Variants in LGR5 observed in about 807,000 individuals in gnomAD.
The protein encoded by LGR5 is leucine rich repeat containing G protein-coupled receptor 5, also known as leucine-rich repeat-containing G protein-coupled receptor 5.
A neutral mutation model predicts 76.7 loss-of-function variants in LGR5; 54 were observed. The observed-to-expected ratio is 0.70, with a 90% confidence interval of 0.57 to 0.88. The LOEUF (loss-of-function observed/expected upper bound fraction) is 0.88, where lower values mean the gene tolerates loss of function less well. Ranked by LOEUF, LGR5 falls within the 40% of genes least tolerant of loss-of-function variation. The probability of loss-of-function intolerance (pLI) is 0.00; values close to 1 mark genes in which losing one functional copy is unlikely to be tolerated. For missense variants in LGR5, 1,078 were observed against 1,073.3 expected, an observed-to-expected ratio of 1.00 and a Z score of -0.06; for synonymous variants, 406 against 421.9, an observed-to-expected ratio of 0.96 and a Z score of 0.46.
chr12:71,480,150 G>A (rs1462698786), intron 1 of LGR5, among the ~76,000 whole-genome samples: 1 of 152,000 alleles, frequency 6.6e-6, no homozygotes, highest in African/African-American at 2.4e-5. Flanking sequence ...GATCACTTGA[G>A]GTCAGGAGTT....
intron 11 of LGR5, among the ~76,000 whole-genome samples, chr12:71,570,472 TA>T (rs758002494): frequency 2.0e-5 from 3 of 152,074 alleles, no homozygotes; most frequent in Non-Finnish European, 4.4e-5. Flanking sequence ...CAGAGATGAG[TA>T]AACCAATTAT....
intron 1 of LGR5, among the ~76,000 whole-genome samples, chr12:71,451,989 G>A (rs996186961): frequency 2.0e-5 from 3 of 152,126 alleles, no homozygotes; most frequent in African/African-American, 7.2e-5. Context: ...CCCAAGCTCA[G>A]ATTTCAATAA....
chr12:71,548,714 G>C (rs1877322073), intron 4 of LGR5, among the ~76,000 whole-genome samples: 1 of 152,020 alleles, frequency 6.6e-6, no homozygotes, highest in Admixed American at 6.6e-5. Context: ...TGAAAGCTGA[G>C]GTCTGTTGAT....
At chr12:71,505,838 TAGA>T (rs1379931465) in intron 2 of LGR5, among the ~76,000 whole-genome samples, 2 of 152,284 alleles carry the variant, frequency 1.3e-5, no homozygotes, top group South Asian at 2.1e-4. Context: ...CTAGATTGTA[TAGA>T]AGGTTTTGTC....
intron 1 of LGR5, among the ~76,000 whole-genome samples, chr12:71,478,175 T>C (rs960956620): frequency 6.6e-6 from 1 of 152,240 alleles, no homozygotes; most frequent in Non-Finnish European, 1.5e-5. Context: ...CTTATTTTTA[T>C]ATTTTCTTAC....
intron 4 of LGR5, among the ~76,000 whole-genome samples, chr12:71,546,968 G>A (rs1015132336): frequency 5.3e-5 from 8 of 152,114 alleles, no homozygotes; most frequent in African/African-American, 1.7e-4. Context: ...GGCAACCACT[G>A]GGACCGTAAG....
chr12:71,480,360 CAAAAAAA>C (rs59288333), intron 1 of LGR5, among the ~76,000 whole-genome samples: 1 of 80,360 alleles, frequency 1.2e-5, no homozygotes, highest in Non-Finnish European at 2.7e-5. Context: ...GACTCTGTCT[CAAAAAAA>C]AAAAAAAAAA....
rs1256189045 is a variant in LGR5 at position 71,583,934 on chromosome 12, T to G, written c.1924T>G (p.Phe642Val). Residue 642 changes from phenylalanine (F) to valine (V), a missense_variant, in exon 18 of 18, where the codon TTT (phenylalanine) becomes GTT (valine). Transcript: ENST00000266674. ...ENGVGCHVIGFLSIFASESSV... is the reference protein window; with the variant it reads ...ENGVGCHVIGVLSIFASESSV... ...TGGGGTTGGTTGCCATGTCATTGGT[T>G]TTTTGTCCATTTTTGCTTCAGAATC... 1 of 1,614,158 alleles carries G rather than the reference T, an allele frequency of 6.2e-7. No homozygotes were observed. Among genetic ancestry groups the G allele is most frequent in the Non-Finnish European group, 8.5e-7 (1 of 1,180,026 alleles).
intron 4 of LGR5, among the ~76,000 whole-genome samples, chr12:71,539,286 TG>T (rs1249159452): frequency 6.6e-6 from 1 of 152,228 alleles, no homozygotes; most frequent in Non-Finnish European, 1.5e-5. Context: ...TTGCATTCTT[TG>T]CTCCACCCAT....
At chr12:71,568,574 A>G (rs1878458629) in intron 11 of LGR5, among the ~76,000 whole-genome samples, 1 of 152,198 alleles carries the variant, frequency 6.6e-6, no homozygotes, top group Admixed American at 6.5e-5. Context: ...TGCCATTTTC[A>G]AAGCATTTTC....
rs1052324800 is a variant in LGR5 at position 71,439,951 on chromosome 12, G to C, written c.-130G>C. On this transcript the variant is annotated 5_prime_UTR_variant, in exon 1 of 18. Transcript: ENST00000266674. ...GCCCACGCCGTGGGGTCAGGAACGC[G>C]GCGTCTGGCGCTGCAGACGCCCGCT... is the stretch of plus-strand genomic sequence containing the variant. The C allele has an allele frequency of 2.2e-5, 17 of 782,196 alleles. No homozygotes were observed. The highest frequency in any genetic ancestry group is 1.8e-4 in the Admixed American group (6 of 33,576). 48.5% of individuals were successfully genotyped at this position (782,196 alleles called of 1,614,324 possible).
chr12:71,467,361 G>C (rs991884101), intron 1 of LGR5, among the ~76,000 whole-genome samples: 6 of 152,156 alleles, frequency 3.9e-5, no homozygotes, highest in South Asian at 2.1e-4. Flanking sequence ...TTTCACTGAT[G>C]AGAAAGTGCC....
chr12:71,485,876 C>T (rs912324210), intron 1 of LGR5, among the ~76,000 whole-genome samples: 1 of 151,878 alleles, frequency 6.6e-6, no homozygotes, highest in African/African-American at 2.4e-5. Context: ...AGTGATTCTC[C>T]TGCCTCAGCC....
chr12:71,500,901 G>T (rs1874569388), intron 1 of LGR5, among the ~76,000 whole-genome samples: 1 of 152,194 alleles, frequency 6.6e-6, no homozygotes. Context: ...AGACAGGGCA[G>T]AATGGTTTAA....
In LGR5 at chr12:71,440,198, T is replaced by A; in HGVS notation, c.118T>A (p.Cys40Ser). The A allele has an allele frequency of 6.2e-7, 1 of 1,612,766 alleles. No individual in the cohort carries two copies. Residue 40 changes from cysteine to serine, a missense_variant, in exon 1 of 18, where the codon TGC becomes AGC. Physicochemically the swap from Cys to Ser is moderately radical, Grantham distance 112. Coordinates refer to ENST00000266674, the MANE Select transcript of LGR5 (RefSeq NM_003667.4). This position sits in a 1 kb window ranked among gnomAD's most constrained non-coding sequence, Gnocchi z 5.3. ...GAGGGGCTGCCCCACACACTGTCAT[T>A]GCGAGCCCGACGGCAGGATGTTGCT... ...LLRGCPTHCH[C>S]EPDGRMLLRV...
intron 1 of LGR5, among the ~76,000 whole-genome samples, chr12:71,442,339 A>T (rs1009916731): frequency 2.6e-5 from 4 of 152,156 alleles, no homozygotes; most frequent in African/African-American, 9.7e-5. Flanking sequence ...CTATCTATCT[A>T]TAGATAGAAC....
rs543051649 is a variant in LGR5, at chr12:71,540,377, T to C, written c.428+5191T>C. 6.6e-5 allele frequency among the ~76,000 whole-genome samples: 10 copies of C among 152,256 alleles called. No individual in the cohort carries two copies. The South Asian group carries it at 1.9e-3, about 28-fold the overall frequency. ...AGGTAATAGGTTGGCAAATAGAAAA[T>C]GAAAGAAGAATTAAACATATCTTTA... On this transcript the variant is annotated intron_variant, in intron 4 of 17. Transcript: ENST00000266674.
intron 16 of LGR5, among the ~76,000 whole-genome samples, chr12:71,581,235 A>G (rs1191410382): frequency 6.6e-6 from 1 of 152,204 alleles, no homozygotes; most frequent in Non-Finnish European, 1.5e-5. Context: ...ATTCTAAATC[A>G]TTCTCCTCAC....
intron 8 of LGR5, among the ~76,000 whole-genome samples, chr12:71,564,908 A>G (rs1797370): frequency 0.88 from 132,453 of 150,332 alleles, 60,323 homozygotes; most frequent in East Asian, 0.99. Context: ...ATGTATACCC[A>G]CACACTATAT....
Sources: allele counts gnomAD v4.1 joint callset (sites outside exome capture counted in the v4.1 genomes callset), GRCh38; gene constraint gnomAD v4.1.1; non-coding constraint Gnocchi (gnomAD v3.1); transcripts MANE v1.5; gene names NCBI Gene and HGNC (gene_info 2026-07-23, HGNC 2026-07-21).